BRIP1: variants seen among roughly 807,000 people sequenced by gnomAD.
The protein encoded by BRIP1 is BRCA1 interacting DNA helicase 1.
BRIP1 carries 88 observed loss-of-function variants against 119.7 expected under a neutral mutation model. That is an observed-to-expected ratio of 0.74 (90% confidence interval 0.62 to 0.88). The LOEUF (loss-of-function observed/expected upper bound fraction) is 0.88. Among genes scored for constraint, BRIP1 ranks in the 40% least tolerant of loss-of-function variants. The probability of loss-of-function intolerance (pLI) is 0.00; values close to 1 mark genes in which losing one functional copy is unlikely to be tolerated. For synonymous variants in BRIP1, 443 were observed against 496.5 expected (o/e 0.89, Z 1.43); for missense variants, 1,259 against 1,455.4 (o/e 0.87, Z 2.20).
chr17:61,852,545 G>C lies in BRIP1; in HGVS notation c.380-3289C>G, dbSNP rs2078837077. On this transcript the variant is annotated intron_variant, in intron 4 of 19. Coordinates refer to ENST00000259008, the MANE Select transcript of BRIP1 (RefSeq NM_032043.3). The surrounding 1 kb of genome is among the most constrained non-coding windows in gnomAD (Gnocchi z 4.9). ...CAGCCGGGCGTGGTGGCAGGTGCCT[G>C]TAATCCCAGCTACTCAGGAGGTTGA... Among the ~76,000 whole-genome samples, 1 of 152,134 alleles carries C rather than the reference G, an allele frequency of 6.6e-6. No individual in the cohort carries two copies. The highest frequency in any genetic ancestry group is 2.4e-5 in the African/African-American group (1 of 41,408).
Position 61,844,217 on chromosome 17 carries a change from T to C in BRIP1, c.627+2884A>G, listed in dbSNP as rs1286552630. On this transcript the variant is annotated intron_variant, in intron 6 of 19. Transcript: ENST00000259008. The surrounding 1 kb of genome is among the most constrained non-coding windows in gnomAD (Gnocchi z 4.7). ...GTGCTGAGATTATAGGCATGAGCCA[T>C]GATGCCTGGCCCAATCTTTATTTAA... is the stretch of plus-strand genomic sequence containing the variant. Among the ~76,000 whole-genome samples, 1 of 151,964 alleles carries C rather than the reference T, an allele frequency of 6.6e-6. No individual in the cohort carries two copies. Among genetic ancestry groups the C allele is most frequent in the Non-Finnish European group, 1.5e-5 (1 of 67,980 alleles).
intron 4 of BRIP1, among the ~76,000 whole-genome samples, chr17:61,854,221 T>A (rs1043146322): frequency 6.6e-6 from 1 of 152,028 alleles, no homozygotes; most frequent in African/African-American, 2.4e-5. Flanking sequence ...ATGAGCCAAG[T>A]GAGCCAAGAT....
At position 61,713,524 on chromosome 17, in the gene BRIP1, ATTTT is replaced by A. The variant is rs567797791; in HGVS notation, c.2492+2423_2492+2426del. ...ATACTACATGAGTGTTTATGTCTTC[ATTTT>A]TTTTTTTTTTTGAGATGGAGTCTCG... On this transcript the variant is annotated intron_variant, in intron 17 of 19. Transcript: ENST00000259008. This position sits in a 1 kb window ranked among gnomAD's most constrained non-coding sequence, Gnocchi z 4.9. Among the ~76,000 whole-genome samples the A allele has an allele frequency of 7.0e-6, 1 of 142,244 alleles. No homozygotes were observed. 93.3% of individuals were successfully genotyped at this position (142,244 alleles called of 152,430 possible). A position where few individuals can be genotyped will look rare whatever the true frequency, so the allele number is the denominator to read the frequency against.
Position 61,808,837 on chromosome 17 carries a change from C to G in BRIP1, c.628-80G>C, listed in dbSNP as rs938686579. On this transcript the variant is annotated intron_variant, in intron 6 of 19. Coordinates refer to ENST00000259008, the MANE Select transcript of BRIP1 (RefSeq NM_032043.3). This position sits in a 1 kb window ranked among gnomAD's most constrained non-coding sequence, Gnocchi z 4.1. ...ATCAAACCTCACATGGAATCAGAACCTGTAAGTAATGAATCACAATGGTCA... is the reference window on the plus strand; with the variant it reads ...ATCAAACCTCACATGGAATCAGAACGTGTAAGTAATGAATCACAATGGTCA... 47 of 1,372,872 alleles carry G rather than the reference C, an allele frequency of 3.4e-5. No homozygotes were observed. The highest frequency in any genetic ancestry group is 4.3e-5 in the Non-Finnish European group (42 of 981,514). The allele number at this position is 1,372,872 out of a possible 1,614,324, so 85.0% of individuals were successfully genotyped here. A position where few individuals can be genotyped will look rare whatever the true frequency, so the allele number is the denominator to read the frequency against.
chr17:61,829,554 C>T (rs2078458318), intron 6 of BRIP1, among the ~76,000 whole-genome samples: 1 of 151,002 alleles, frequency 6.6e-6, no homozygotes, highest in African/African-American at 2.4e-5. Flanking sequence ...AATCAACAAA[C>T]TTGACCTAAC....
Position 61,682,772 on chromosome 17 carries a change from T to C in BRIP1, c.*524A>G, listed in dbSNP as rs371689236. On this transcript the variant is annotated 3_prime_UTR_variant, in exon 20 of 20. Transcript: ENST00000259008. This position sits in a 1 kb window ranked among gnomAD's most constrained non-coding sequence, Gnocchi z 4.9. The stretch of plus-strand genomic sequence containing the variant: ...GAAGTGCCCTAGGATCTTTGAATAA[T>C]TTTAAATTGCATTTAGCTAAGGAAG... 5.3e-5 allele frequency: 10 copies of C among 190,364 alleles called. No individual in the cohort carries two copies. The East Asian group carries it at 8.5e-4, about 16-fold the overall frequency. 11.8% of individuals were successfully genotyped at this position (190,364 alleles called of 1,614,324 possible). A position where few individuals can be genotyped will look rare whatever the true frequency, so the allele number is the denominator to read the frequency against.
chr17:61,808,729 C>T lies in BRIP1; in HGVS notation c.656G>A (p.Cys219Tyr), dbSNP rs587782238. ...TTGACTGTTTCCTTGTTTAGTAGAACAACAGCACCTAGAACAGTGGCCAGG... is the reference window on the plus strand; with the variant it reads ...TTGACTGTTTCCTTGTTTAGTAGAATAACAGCACCTAGAACAGTGGCCAGG... Reference protein sequence around the residue: ...KPPGHCSRCCCSTKQGNSQES... With the variant: ...KPPGHCSRCCYSTKQGNSQES... The change falls in exon 7 of 20, where the codon TGT becomes TAT. Residue 219 changes from cysteine (C) to tyrosine (Y), a missense_variant. By Grantham distance (194) the Cys-to-Tyr change is radical. Transcript: ENST00000259008. The surrounding 1 kb of genome is among the most constrained non-coding windows in gnomAD (Gnocchi z 4.1). 1 of 1,613,502 alleles carries T rather than the reference C, an allele frequency of 6.2e-7. No homozygotes were observed. Among genetic ancestry groups the T allele is most frequent in the African/African-American group, 1.3e-5 (1 of 75,010 alleles).
intron 6 of BRIP1, among the ~76,000 whole-genome samples, chr17:61,817,141 T>C (rs1428298392): frequency 6.6e-6 from 1 of 152,162 alleles, no homozygotes; most frequent in Non-Finnish European, 1.5e-5. Flanking sequence ...AGAAATATAC[T>C]CTTGTGCCCA....
In BRIP1 at chr17:61,851,838, TCAGTGATTCTCAACCAGGC is replaced by T. The variant is rs1208245112; in HGVS notation, c.380-2601_380-2583del. Among the ~76,000 whole-genome samples the T allele has an allele frequency of 6.6e-6, 1 of 152,140 alleles. No individual in the cohort carries two copies. Among genetic ancestry groups the T allele is most frequent in the Non-Finnish European group, 1.5e-5 (1 of 68,036 alleles). On this transcript the variant is annotated intron_variant, in intron 4 of 19. Transcript: ENST00000259008. This position sits in a 1 kb window ranked among gnomAD's most constrained non-coding sequence, Gnocchi z 4.6. The stretch of plus-strand genomic sequence containing the variant: ...AAAATAACCACAAAATAAACCTAGA[TCAGTGATTCTCAACCAGGC>T]CAATTTTAACACCACCACTTCTCAT...
At chr17:61,817,860 T>C (rs1482843884) in intron 6 of BRIP1, among the ~76,000 whole-genome samples, 1 of 152,198 alleles carries the variant, frequency 6.6e-6, no homozygotes, top group Non-Finnish European at 1.5e-5. Flanking sequence ...TGTGTGCTCA[T>C]AGGTAAAAAT....
At position 61,756,600 on chromosome 17, in the gene BRIP1, G is replaced by T. The variant is rs1197647861; in HGVS notation, c.2098-12009C>A. Among the ~76,000 whole-genome samples, 2 of 152,244 alleles carry T rather than the reference G, an allele frequency of 1.3e-5. No individual in the cohort carries two copies. Among genetic ancestry groups the T allele is most frequent in the East Asian group, 3.9e-4 (2 of 5,182 alleles). Reference sequence around the variant, plus strand: ...AATGCCCATGTCTTATCTGGATATTGTCATTTTACTTTGTCAAACTTCTTT... The same window carrying T: ...AATGCCCATGTCTTATCTGGATATTTTCATTTTACTTTGTCAAACTTCTTT... On this transcript the variant is annotated intron_variant, in intron 14 of 19. Coordinates refer to ENST00000259008, the MANE Select transcript of BRIP1 (RefSeq NM_032043.3). This position sits in a 1 kb window ranked among gnomAD's most constrained non-coding sequence, Gnocchi z 4.3.
In BRIP1 at chr17:61,793,704, G is replaced by A. The variant is rs1379791142; in HGVS notation, c.1366C>T (p.Leu456Phe). 6.2e-7 allele frequency: 1 copy of A among 1,610,530 alleles called. No individual in the cohort carries two copies. The highest frequency in any genetic ancestry group is 1.3e-5 in the African/African-American group (1 of 74,958). ...GCTGATTCATAATCTCTTTCTACAA[G>A]ATATTCAGCGTTTGCTTCTAACCAA... ...INWLEANAEY[L>F]VERDYESACK... The change falls in exon 10 of 20, where the codon CTT becomes TTT. Residue 456 changes from leucine to phenylalanine, a missense_variant. Leu to Phe is a conservative substitution (Grantham distance 22). Transcript: ENST00000259008. The surrounding 1 kb of genome is among the most constrained non-coding windows in gnomAD (Gnocchi z 5.2).
chr17:61,738,972 A>C lies in BRIP1; in HGVS notation c.2379+4041T>G, dbSNP rs950056196. The stretch of plus-strand genomic sequence containing the variant: ...TATTTAGTACAACCTAGTATTAGCC[A>C]TAAAGTTTTTCTTCTTTTCCAGGTC... On this transcript the variant is annotated intron_variant, in intron 16 of 19. Transcript: ENST00000259008. This position sits in a 1 kb window ranked among gnomAD's most constrained non-coding sequence, Gnocchi z 4.2. 1.9e-5 allele frequency: 3 copies of C among 156,160 alleles called. No individual in the cohort carries two copies. The highest frequency in any genetic ancestry group is 4.3e-5 in the Non-Finnish European group (3 of 70,458). The allele number at this position is 156,160 out of a possible 1,614,324, so 9.7% of individuals were successfully genotyped here. A position where few individuals can be genotyped will look rare whatever the true frequency, so the allele number is the denominator to read the frequency against.
At position 61,736,960 on chromosome 17, in the gene BRIP1, AAACT is replaced by A. The variant is rs1379719398; in HGVS notation, c.2379+6049_2379+6052del. Among the ~76,000 whole-genome samples, 1 of 152,202 alleles carries A rather than the reference AAACT, an allele frequency of 6.6e-6. No individual in the cohort carries two copies. Among genetic ancestry groups the A allele is most frequent in the African/African-American group, 2.4e-5 (1 of 41,462 alleles). On this transcript the variant is annotated intron_variant, in intron 16 of 19. Coordinates refer to ENST00000259008, the MANE Select transcript of BRIP1 (RefSeq NM_032043.3). This position sits in a 1 kb window ranked among gnomAD's most constrained non-coding sequence, Gnocchi z 4.4. Reference sequence around the variant, plus strand: ...GCAAATGCATAAAAACAATAATTAAAAACTAACAGCCACACAAAGTATAAAGATG... The same window carrying A: ...GCAAATGCATAAAAACAATAATTAAAAACAGCCACACAAAGTATAAAGATG...
intron 10 of BRIP1, among the ~76,000 whole-genome samples, chr17:61,787,081 T>C (rs2077730821): frequency 8.7e-6 from 1 of 114,784 alleles, no homozygotes; most frequent in African/African-American, 3.6e-5. Context: ...TATATAAATA[T>C]ATTGCATGTT....
intron 6 of BRIP1, among the ~76,000 whole-genome samples, chr17:61,837,725 A>G (rs563069081): frequency 5.3e-5 from 8 of 152,246 alleles, no homozygotes; most frequent in African/African-American, 1.7e-4. Flanking sequence ...TTTCTTAACT[A>G]TATTTTGACC....
chr17:61,765,178 T>C (rs1032143312), intron 14 of BRIP1, among the ~76,000 whole-genome samples: 10 of 150,890 alleles, frequency 6.6e-5, no homozygotes, highest in African/African-American at 2.2e-4. Context: ...TGGTATTCTG[T>C]TATAGCATCA....
At chr17:61,694,890 A>C (rs1326287196) in intron 17 of BRIP1, among the ~76,000 whole-genome samples, 3 of 147,660 alleles carry the variant, frequency 2.0e-5, no homozygotes, top group Admixed American at 6.8e-5. Flanking sequence ...TTTTATTATT[A>C]AGTTGTAAGA....
chr17:61,714,984 G>C (rs2061838164), intron 17 of BRIP1, among the ~76,000 whole-genome samples: 1 of 151,818 alleles, frequency 6.6e-6, no homozygotes, highest in Non-Finnish European at 1.5e-5. Flanking sequence ...TGGATCACTT[G>C]AGGCCAGGAG....
Sources: allele counts gnomAD v4.1 joint callset (sites outside exome capture counted in the v4.1 genomes callset), GRCh38; gene constraint gnomAD v4.1.1; non-coding constraint Gnocchi (gnomAD v3.1); transcripts MANE v1.5; gene names NCBI Gene and HGNC (gene_info 2026-07-23, HGNC 2026-07-21).